B3GNT3: variants seen among roughly 807,000 people sequenced by gnomAD.
The protein encoded by B3GNT3 is UDP-GlcNAc:betaGal beta-1,3-N-acetylglucosaminyltransferase 3, also known as N-acetyllactosaminide beta-1,3-N-acetylglucosaminyltransferase 3.
In B3GNT3, 7 loss-of-function variants were observed where a neutral mutation model predicts 11.6. That is an observed-to-expected ratio of 0.60 (90% CI 0.34 to 1.13). The LOEUF (loss-of-function observed/expected upper bound fraction) is 1.13. Ranked by LOEUF, B3GNT3 falls within the 50% of genes most tolerant of loss-of-function variation. The pLI, the probability that B3GNT3 is intolerant of heterozygous loss-of-function variation, is 0.03. For missense variants in B3GNT3, 400 were observed against 507.4 expected, an observed-to-expected ratio of 0.79 and a Z score of 2.03; for synonymous variants, 201 against 222.1, an observed-to-expected ratio of 0.90 and a Z score of 0.85.
chr19:17,796,450 G>A (rs1451625116), intron 1 of B3GNT3, among the ~76,000 whole-genome samples: 1 of 152,184 alleles, frequency 6.6e-6, no homozygotes, highest in Non-Finnish European at 1.5e-5. Flanking sequence ...CTCAACTTGG[G>A]CGGGGGACTC....
chr19:17,795,931 T>C (rs2094159019), intron 1 of B3GNT3, among the ~76,000 whole-genome samples: 1 of 152,048 alleles, frequency 6.6e-6, no homozygotes, highest in Admixed American at 6.6e-5. Context: ...CGAGGATGAG[T>C]TGAGTGGATA....
At chr19:17,806,944 G>GAA (rs374487355) in intron 1 of B3GNT3, among the ~76,000 whole-genome samples, 2,467 of 79,352 alleles carry the variant, frequency 0.031, 34 homozygotes, top group Non-Finnish European at 0.048. Context: ...TCCATCTCAA[G>GAA]AAAAAAAAAA....
Position 17,811,813 on chromosome 19 carries a change from T to C in B3GNT3, c.810T>C (p.Gly270=). The C allele has an allele frequency of 1.9e-6, 3 of 1,613,954 alleles. No homozygotes were observed. Among genetic ancestry groups the C allele is most frequent in the African/African-American group, 1.3e-5 (1 of 74,976 alleles). Residue 270 remains glycine (G), a synonymous_variant, in exon 3 of 3, where the codon GGT becomes GGC. Coordinates refer to ENST00000318683, the MANE Select transcript of B3GNT3 (RefSeq NM_014256.4). The surrounding 1 kb of genome is among the most constrained non-coding windows in gnomAD (Gnocchi z 4.1). ...QNERYPPYCG[G]GGFLLSRFTA... Reference sequence around the variant, plus strand: ...AGCGGTACCCACCCTATTGTGGGGGTGGTGGCTTCTTGCTGTCCCGCTTCA... The same window carrying C: ...AGCGGTACCCACCCTATTGTGGGGGCGGTGGCTTCTTGCTGTCCCGCTTCA...
chr19:17,800,669 C>A (rs933394421), intron 1 of B3GNT3, among the ~76,000 whole-genome samples: 1 of 151,862 alleles, frequency 6.6e-6, no homozygotes, highest in Non-Finnish European at 1.5e-5. Context: ...TGTTAATATT[C>A]CTCATGATAC....
chr19:17,808,191 C>T lies in B3GNT3; in HGVS notation c.384C>T (p.Arg128=). The change falls in exon 2 of 3, where the codon CGC becomes CGT. Residue 128 remains arginine, a synonymous_variant. Transcript: ENST00000318683. ...ATGTGCGCCGCGAGCTGCTGCGGCG[C>T]ACGTGGGGCCGCGAGCGCAAGGTAC... ...SNYVRRELLR[R]TWGRERKVRG... 6.2e-7 allele frequency: 1 copy of T among 1,610,810 alleles called. No individual in the cohort carries two copies. The highest frequency in any genetic ancestry group is 8.5e-7 in the Non-Finnish European group (1 of 1,178,098).
At chr19:17,801,807 G>T (rs1327161188) in intron 1 of B3GNT3, among the ~76,000 whole-genome samples, 6 of 152,022 alleles carry the variant, frequency 3.9e-5, no homozygotes, top group Non-Finnish European at 1.5e-5. Context: ...ATTTTTTTTG[G>T]CTGGGCATGG....
At chr19:17,810,101 G>A (rs1043998203) in intron 2 of B3GNT3, among the ~76,000 whole-genome samples, 11 of 152,150 alleles carry the variant, frequency 7.2e-5, no homozygotes, top group Admixed American at 4.6e-4. Flanking sequence ...CACAGCGCCC[G>A]GCAACAAACA....
intron 2 of B3GNT3, among the ~76,000 whole-genome samples, chr19:17,808,940 G>A (rs75259381): frequency 2.0e-5 from 3 of 151,988 alleles, no homozygotes; most frequent in African/African-American, 7.2e-5. Flanking sequence ...GGTTTCCGGC[G>A]ATCCTACTGC....
At chr19:17,807,723 C>G in intron 1 of B3GNT3, 35 bp from the exon 2 acceptor site, 1 of 1,328,202 alleles carries the variant, frequency 7.5e-7, no homozygotes. Context: ...GCGCTTTGCT[C>G]ATGGCGAGTG....
rs189286633 is a variant in B3GNT3 at position 17,802,404 on chromosome 19, G to A, written c.-50-5354G>A. Among the ~76,000 whole-genome samples the A allele has an allele frequency of 2.5e-4, 38 of 152,324 alleles. No homozygotes were observed. In the East Asian group the frequency reaches 6.6e-3, roughly 26 times the overall value. On this transcript the variant is annotated intron_variant, in intron 1 of 2. Coordinates refer to ENST00000318683, the MANE Select transcript of B3GNT3 (RefSeq NM_014256.4). The stretch of plus-strand genomic sequence containing the variant: ...CAACAAACTAGGTAGCATCCTGTGG[G>A]AGCACAGTTGCAGGAGATAAGATGC...
intron 2 of B3GNT3, among the ~76,000 whole-genome samples, chr19:17,809,437 TA>T (rs1308269425): frequency 6.6e-6 from 1 of 151,524 alleles, no homozygotes; most frequent in Non-Finnish European, 1.5e-5. Flanking sequence ...AATTAATTTT[TA>T]TGTTTTTTTA....
intron 1 of B3GNT3, among the ~76,000 whole-genome samples, chr19:17,804,957 C>G (rs922136249): frequency 6.6e-5 from 10 of 152,020 alleles, no homozygotes; most frequent in Non-Finnish European, 1.5e-4. Context: ...CCAATCTCCC[C>G]CCACCCAGCC....
In B3GNT3 at chr19:17,812,005, C is replaced by T. The variant is rs2094181668; in HGVS notation, c.1002C>T (p.Pro334=). The T allele has an allele frequency of 6.2e-7, 1 of 1,601,208 alleles. No homozygotes were observed. Among genetic ancestry groups the T allele is most frequent in the African/African-American group, 1.3e-5 (1 of 74,952 alleles). ...CGCAACGCCTGTCCTCCTTTGACCCCTGCTTCTACCGAGACCTGCTGCTGG... is the reference window on the plus strand; with the variant it reads ...CGCAACGCCTGTCCTCCTTTGACCCTTGCTTCTACCGAGACCTGCTGCTGG... ...APSQRLSSFD[P]CFYRDLLLVH... is the part of the protein sequence containing the mutation. The change falls in exon 3 of 3, where the codon CCC becomes CCT. Residue 334 remains proline, a synonymous_variant. Transcript: ENST00000318683.
At position 17,812,666 on chromosome 19, in the gene B3GNT3, G is replaced by A. The variant is rs1388861222; in HGVS notation, c.*544G>A. 6.5e-6 allele frequency: 1 copy of A among 153,886 alleles called. No individual in the cohort carries two copies. The highest frequency in any genetic ancestry group is 1.9e-4 in the East Asian group (1 of 5,220). 9.5% of individuals were successfully genotyped at this position (153,886 alleles called of 1,614,324 possible). On this transcript the variant is annotated 3_prime_UTR_variant, in exon 3 of 3. Transcript: ENST00000318683. ...GTTGGGGGGATACCAGAGAGGTGGT[G>A]GAATAGGACCGCCCCCTCCTTACTT...
Position 17,811,480 on chromosome 19 carries a change from C to T in B3GNT3, c.568-91C>T. 2.3e-6 allele frequency: 3 copies of T among 1,331,554 alleles called. No homozygotes were observed. Among genetic ancestry groups the T allele is most frequent in the Admixed American group, 5.2e-5 (2 of 38,302 alleles). 82.5% of individuals were successfully genotyped at this position (1,331,554 alleles called of 1,614,324 possible). ...AGGCTGGATTGTGGACACTTCCTTT[C>T]CTGGGCTTAGTGGGCTGGAGTGGCT... On this transcript the variant is annotated intron_variant, in intron 2 of 2. Coordinates refer to ENST00000318683, the MANE Select transcript of B3GNT3 (RefSeq NM_014256.4). The surrounding 1 kb of genome is among the most constrained non-coding windows in gnomAD (Gnocchi z 4.1).
Position 17,812,279 on chromosome 19 carries a change from C to A in B3GNT3, c.*157C>A. On this transcript the variant is annotated 3_prime_UTR_variant, in exon 3 of 3. Transcript: ENST00000318683. ...GAATATTCTGGCTGGCGAACTCCTACACATCCTTCAAAACCCACCTGGTAC... is the reference window on the plus strand; with the variant it reads ...GAATATTCTGGCTGGCGAACTCCTAAACATCCTTCAAAACCCACCTGGTAC... 1.3e-6 allele frequency: 1 copy of A among 793,196 alleles called. No homozygotes were observed. Among genetic ancestry groups the A allele is most frequent in the Non-Finnish European group, 1.9e-6 (1 of 515,612 alleles). 49.1% of individuals were successfully genotyped at this position (793,196 alleles called of 1,614,324 possible). A position where few individuals can be genotyped will look rare whatever the true frequency, so the allele number is the denominator to read the frequency against.
intron 2 of B3GNT3, among the ~76,000 whole-genome samples, chr19:17,808,799 A>G (rs909907685): frequency 6.6e-6 from 1 of 152,146 alleles, no homozygotes; most frequent in African/African-American, 2.4e-5. Context: ...TGTCCAACTC[A>G]ACTTGGCAAT....
In B3GNT3 at chr19:17,812,320, C is replaced by A; in HGVS notation, c.*198C>A. On this transcript the variant is annotated 3_prime_UTR_variant, in exon 3 of 3. Transcript: ENST00000318683. ...CACCTGGTACTGTTCCAGCATCTTC[C>A]CTGGATGGCTGGAGGAACTCCAGAA... 1 of 565,156 alleles carries A rather than the reference C, an allele frequency of 1.8e-6. No homozygotes were observed. The allele number at this position is 565,156 out of a possible 1,614,324, so 35.0% of individuals were successfully genotyped here.
intron 1 of B3GNT3, among the ~76,000 whole-genome samples, chr19:17,803,126 C>T (rs2094168391): frequency 6.6e-6 from 1 of 152,148 alleles, no homozygotes; most frequent in African/African-American, 2.4e-5. Flanking sequence ...CTGCCTCAGC[C>T]TCCTGAGTAG....
Sources: allele counts gnomAD v4.1 joint callset (sites outside exome capture counted in the v4.1 genomes callset), GRCh38; gene constraint gnomAD v4.1.1; non-coding constraint Gnocchi (gnomAD v3.1); transcripts MANE v1.5; gene names NCBI Gene and HGNC (gene_info 2026-07-23, HGNC 2026-07-21).